Variants in PLXDC2 observed in about 807,000 individuals in gnomAD.
PLXDC2 encodes the protein plexin domain containing 2, also known as plexin domain-containing protein 2.
A neutral mutation model predicts 68.9 loss-of-function variants in PLXDC2; 40 were observed. The ratio of observed to expected loss-of-function variants is 0.58; its 90% confidence interval spans 0.45 to 0.76. The LOEUF (loss-of-function observed/expected upper bound fraction) is 0.76, where lower values mean the gene tolerates loss of function less well. Ranked by LOEUF, PLXDC2 falls within the 30% of genes least tolerant of loss-of-function variation. The pLI is 0.00. For synonymous variants in PLXDC2, 243 were observed against 234.2 expected, an observed-to-expected ratio of 1.04 and a Z score of -0.34; for missense variants, 644 against 661.9, an observed-to-expected ratio of 0.97 and a Z score of 0.30.
chr10:19,828,911 C>T (rs1836627573), intron 1 of PLXDC2, among the ~76,000 whole-genome samples: 1 of 152,138 alleles, frequency 6.6e-6, no homozygotes, highest in Non-Finnish European at 1.5e-5. Flanking sequence ...AGTTGCCCTG[C>T]TGGAACCCAT....
chr10:19,853,652 T>TGGGGGGGGG (rs10563076), intron 1 of PLXDC2, among the ~76,000 whole-genome samples: 3 of 129,086 alleles, frequency 2.3e-5, no homozygotes, highest in Admixed American at 8.5e-5. Flanking sequence ...CTGCTTTGGG[T>TGGGGGGGGG]GGGGGGGGGG....
intron 12 of PLXDC2, among the ~76,000 whole-genome samples, chr10:20,237,627 C>T (rs977319298): frequency 2.6e-5 from 4 of 152,118 alleles, no homozygotes; most frequent in African/African-American, 9.7e-5. Flanking sequence ...AGGTACTGTT[C>T]CATGGGGGAA....
At chr10:19,951,741 A>G (rs184853910) in intron 1 of PLXDC2, among the ~76,000 whole-genome samples, 59 of 152,338 alleles carry the variant, frequency 3.9e-4, no homozygotes, top group Middle Eastern at 3.4e-3. Flanking sequence ...ATGTGGAATC[A>G]ATTCAGGTGC....
intron 4 of PLXDC2, among the ~76,000 whole-genome samples, chr10:20,081,479 T>C (rs1836557759): frequency 6.6e-6 from 1 of 152,040 alleles, no homozygotes; most frequent in Non-Finnish European, 1.5e-5. Flanking sequence ...TAATAAAAGT[T>C]GTAACCTCCA....
intron 12 of PLXDC2, among the ~76,000 whole-genome samples, chr10:20,220,963 C>T (rs1225442392): frequency 6.6e-6 from 1 of 150,878 alleles, no homozygotes; most frequent in Non-Finnish European, 1.5e-5. Context: ...CTATCTCAAC[C>T]TCCTGAGCAG....
intron 2 of PLXDC2, among the ~76,000 whole-genome samples, chr10:20,014,202 T>C (rs1403852084): frequency 1.4e-5 from 2 of 139,748 alleles, no homozygotes; most frequent in Non-Finnish European, 3.1e-5. Flanking sequence ...CCTTGTTTCC[T>C]TCCTTCCTTC....
chr10:20,051,239 G>A (rs1342774978), intron 3 of PLXDC2, among the ~76,000 whole-genome samples: 2 of 151,706 alleles, frequency 1.3e-5, no homozygotes, highest in African/African-American at 2.4e-5. Flanking sequence ...ACTTAAGGGT[G>A]GATGGTAGGA....
At chr10:20,198,603 A>G (rs1423563349) in intron 9 of PLXDC2, among the ~76,000 whole-genome samples, 1 of 152,128 alleles carries the variant, frequency 6.6e-6, no homozygotes, top group Non-Finnish European at 1.5e-5. Flanking sequence ...ACCCTAAGAT[A>G]TCCTTTGGGT....
intron 1 of PLXDC2, among the ~76,000 whole-genome samples, chr10:19,996,721 G>A (rs1367324881): frequency 6.6e-6 from 1 of 152,182 alleles, no homozygotes; most frequent in Non-Finnish European, 1.5e-5. Flanking sequence ...ATTTATACAG[G>A]AAAAGGGGGT....
intron 9 of PLXDC2, among the ~76,000 whole-genome samples, chr10:20,189,606 A>T (rs1322868549): frequency 6.7e-6 from 1 of 148,862 alleles, no homozygotes; most frequent in Non-Finnish European, 1.5e-5. Context: ...CAATTTGGGC[A>T]CTCAGAAAAA....
intron 2 of PLXDC2, 39 bp from the exon 3 acceptor site, chr10:20,046,830 A>C (rs774408754): frequency 6.5e-7 from 1 of 1,548,964 alleles, no homozygotes; most frequent in Non-Finnish European, 8.7e-7. Flanking sequence ...TAGGTAAAAC[A>C]TCTCGGTTCT....
intron 1 of PLXDC2, among the ~76,000 whole-genome samples, chr10:19,919,582 A>G (rs1320522815): frequency 6.6e-6 from 1 of 152,254 alleles, no homozygotes; most frequent in Non-Finnish European, 1.5e-5. Context: ...TCAGAGAAAG[A>G]CAGCAATATG....
chr10:19,916,946 G>C (rs999102684), intron 1 of PLXDC2, among the ~76,000 whole-genome samples: 1 of 152,086 alleles, frequency 6.6e-6, no homozygotes, highest in African/African-American at 2.4e-5. Flanking sequence ...TAACTTTTTA[G>C]TCATTCAAAA....
intron 1 of PLXDC2, among the ~76,000 whole-genome samples, chr10:19,913,374 C>T (rs1833308589): frequency 6.6e-6 from 1 of 152,096 alleles, no homozygotes; most frequent in African/African-American, 2.4e-5. Flanking sequence ...CCCAGCTATG[C>T]TTCCTGTACA....
rs1250304237 is a variant in PLXDC2, at chr10:20,234,671, T to TTC, written c.1313-10673_1313-10672insCT. ...GTTTTCAGGGTTTCTTTCTTTTTTTTTTTTTTTTTTCCTTTTTCCTGCTTC... is the reference window on the plus strand; with the variant it reads ...GTTTTCAGGGTTTCTTTCTTTTTTTTTCTTTTTTTTTTCCTTTTTCCTGCTTC... On this transcript the variant is annotated intron_variant, in intron 12 of 13. Transcript: ENST00000377252. Among the ~76,000 whole-genome samples, 11 of 151,244 alleles carry TTC rather than the reference T, an allele frequency of 7.3e-5. No homozygotes were observed. In the South Asian group the frequency reaches 1.7e-3, roughly 23 times the overall value.
At chr10:19,864,416 T>C (rs1837376882) in intron 1 of PLXDC2, among the ~76,000 whole-genome samples, 2 of 152,238 alleles carry the variant, frequency 1.3e-5, no homozygotes, top group Admixed American at 1.3e-4. Context: ...TCTGAAACTA[T>C]CACTTGGAAA....
At chr10:19,965,453 G>A (rs1002299449) in intron 1 of PLXDC2, among the ~76,000 whole-genome samples, 4 of 152,148 alleles carry the variant, frequency 2.6e-5, no homozygotes, top group Non-Finnish European at 5.9e-5. Context: ...TTTTGCCAAA[G>A]AAATCACCTT....
At chr10:20,124,368 G>A (rs1833741923) in intron 4 of PLXDC2, among the ~76,000 whole-genome samples, 1 of 152,144 alleles carries the variant, frequency 6.6e-6, no homozygotes, top group Non-Finnish European at 1.5e-5. Flanking sequence ...GGAGAAGAGA[G>A]TAAGAAGAGG....
chr10:19,921,577 T>C (rs552658818), intron 1 of PLXDC2, among the ~76,000 whole-genome samples: 8 of 152,360 alleles, frequency 5.3e-5, no homozygotes, highest in African/African-American at 1.7e-4. Context: ...AAACAAAGCA[T>C]GCTAAGTTAA....
Sources: gnomAD v4.1 joint callset for allele counts (sites outside exome capture counted in the v4.1 genomes callset) on GRCh38, gnomAD v4.1.1 for gene constraint, MANE v1.5 for transcripts, NCBI Gene and HGNC (gene_info 2026-07-23, HGNC 2026-07-21) for gene names.